Variants in ADCY8 observed in about 807,000 individuals in gnomAD.
ADCY8 encodes the protein adenylate cyclase type 8.
In ADCY8, 51 loss-of-function variants were observed where a neutral mutation model predicts 119.7. The observed-to-expected ratio is 0.43, with a 90% CI of 0.34 to 0.54. The LOEUF is 0.54. ADCY8 is among the 20% of genes least tolerant of loss of function. The probability of loss-of-function intolerance (pLI) is 0.03; values close to 1 mark genes in which losing one functional copy is unlikely to be tolerated. For synonymous variants in ADCY8, 665 were observed against 651.0 expected (o/e 1.02, Z -0.33); for missense variants, 1,383 against 1,598.8 (o/e 0.87, Z 2.30).
rs531283222 is a variant in ADCY8, at chr8:130,937,738, G to A, written c.1354-538C>T. Among the ~76,000 whole-genome samples, 256 of 152,142 alleles carry A rather than the reference G, an allele frequency of 1.7e-3. 1 individual carries two copies. The highest frequency in any genetic ancestry group is 3.4e-3 in the Middle Eastern group (1 of 294). ...AGTCTTCTTATATATCCTTTTATTC[G>A]TTTATTAATTTATATGTTTGTTCAT... On this transcript the variant is annotated intron_variant, in intron 4 of 17. Transcript: ENST00000286355.
chr8:131,030,630 C>T (rs752468719), intron 1 of ADCY8, among the ~76,000 whole-genome samples: 13 of 152,170 alleles, frequency 8.5e-5, no homozygotes, highest in Non-Finnish European at 1.8e-4. Flanking sequence ...TACCCAAATC[C>T]ATCCAAGCAT....
intron 1 of ADCY8, among the ~76,000 whole-genome samples, chr8:131,013,380 G>A (rs1368588333): frequency 1.3e-5 from 2 of 152,190 alleles, no homozygotes; most frequent in African/African-American, 4.8e-5. Flanking sequence ...AGGGAAGGAG[G>A]AAGGGAAGAG....
chr8:130,860,578 G>A (rs910324885), intron 9 of ADCY8, among the ~76,000 whole-genome samples: 2 of 152,090 alleles, frequency 1.3e-5, no homozygotes, highest in African/African-American at 4.8e-5. Flanking sequence ...AAGGTTTAAG[G>A]TCTGTGTATA....
intron 12 of ADCY8, among the ~76,000 whole-genome samples, chr8:130,834,016 AC>A (rs1193504602): frequency 1.3e-5 from 2 of 152,212 alleles, no homozygotes; most frequent in Non-Finnish European, 2.9e-5. Context: ...TGTATTGTAT[AC>A]TTGAAAATTG....
chr8:131,031,848 A>AT lies in ADCY8; in HGVS notation c.960+7525dup, dbSNP rs543381624. On this transcript the variant is annotated intron_variant, in intron 1 of 17. Coordinates refer to ENST00000286355, the MANE Select transcript of ADCY8 (RefSeq NM_001115.3). ...AGCAGCATAAGATGGGTTCTGTTAG[A>AT]TTTTTTTTTTGTGCTCTTATTTCTT... Among the ~76,000 whole-genome samples the AT allele has an allele frequency of 5.0e-4, 75 of 149,976 alleles. 1 individual carries two copies. Among genetic ancestry groups the AT allele is most frequent in the African/African-American group, 1.0e-3 (41 of 40,908 alleles).
intron 12 of ADCY8, among the ~76,000 whole-genome samples, chr8:130,834,868 A>G (rs774285948): frequency 2.6e-5 from 4 of 152,140 alleles, no homozygotes; most frequent in Middle Eastern, 3.2e-3. Flanking sequence ...TATATATATA[A>G]CATGGATGGG....
chr8:130,938,642 T>C (rs1045068099), intron 4 of ADCY8, among the ~76,000 whole-genome samples: 3 of 152,166 alleles, frequency 2.0e-5, no homozygotes, highest in African/African-American at 7.2e-5. Context: ...CACCAGGAGT[T>C]GGACATTATG....
chr8:131,036,545 AC>A (rs1406866509), intron 1 of ADCY8, among the ~76,000 whole-genome samples: 6 of 152,232 alleles, frequency 3.9e-5, no homozygotes, highest in African/African-American at 1.4e-4. Context: ...ATGATAGACA[AC>A]ATCCTTGCCC....
At chr8:130,808,924 G>C (rs1380573448) in intron 14 of ADCY8, among the ~76,000 whole-genome samples, 1 of 151,846 alleles carries the variant, frequency 6.6e-6, no homozygotes, top group Non-Finnish European at 1.5e-5. Flanking sequence ...ATGAGCCAGT[G>C]GGTTTCCCGG....
At chr8:130,836,855 T>C (rs1817005404) in intron 11 of ADCY8, among the ~76,000 whole-genome samples, 1 of 152,174 alleles carries the variant, frequency 6.6e-6, no homozygotes. Context: ...CACCTCAGCT[T>C]CCCCAATAGC....
chr8:130,840,629 G>T (rs1817110195), intron 11 of ADCY8, among the ~76,000 whole-genome samples: 1 of 152,044 alleles, frequency 6.6e-6, no homozygotes, highest in African/African-American at 2.4e-5. Flanking sequence ...ACATGACATG[G>T]CTTTTGAGTG....
chr8:130,937,839 C>T (rs537539353), intron 4 of ADCY8, among the ~76,000 whole-genome samples: 31 of 152,240 alleles, frequency 2.0e-4, no homozygotes, highest in Middle Eastern at 3.4e-3. Flanking sequence ...CTAATAATAG[C>T]TCCTATTATG....
At chr8:130,873,284 T>G (rs531391812) in intron 8 of ADCY8, among the ~76,000 whole-genome samples, 1 of 152,302 alleles carries the variant, frequency 6.6e-6, no homozygotes, top group African/African-American at 2.4e-5. Flanking sequence ...ACTAAAACAA[T>G]TATCTAGTTA....
At chr8:130,932,395 A>G (rs903158464) in intron 5 of ADCY8, among the ~76,000 whole-genome samples, 2 of 152,148 alleles carry the variant, frequency 1.3e-5, no homozygotes, top group Non-Finnish European at 2.9e-5. Flanking sequence ...CCAGCCTGGT[A>G]TATGGGATCA....
At chr8:130,917,510 G>A (rs1820164699) in intron 5 of ADCY8, among the ~76,000 whole-genome samples, 1 of 152,124 alleles carries the variant, frequency 6.6e-6, no homozygotes, top group Non-Finnish European at 1.5e-5. Flanking sequence ...TCAAAAGCAG[G>A]GTGGATCTAG....
chr8:131,018,633 T>C (rs1176502906), intron 1 of ADCY8, among the ~76,000 whole-genome samples: 9 of 152,180 alleles, frequency 5.9e-5, no homozygotes. Context: ...TTACCTGCAT[T>C]GTCTCTGTTT....
At chr8:131,021,535 C>A (rs1242279077) in intron 1 of ADCY8, among the ~76,000 whole-genome samples, 2 of 152,168 alleles carry the variant, frequency 1.3e-5, no homozygotes, top group African/African-American at 2.4e-5. Context: ...TGGCTGTGTA[C>A]CCACTCAAAT....
chr8:131,040,064 G>C lies in ADCY8; in HGVS notation c.270C>G (p.Pro90=). 6.5e-7 allele frequency: 1 copy of C among 1,542,020 alleles called. No homozygotes were observed. Among genetic ancestry groups the C allele is most frequent in the Non-Finnish European group, 8.7e-7 (1 of 1,149,184 alleles). ...APQLSGDSAL[P]LYSLGPGERA... ...GCTCTCCCGGGCCCAGCGAGTAGAG[G>C]GGCAGCGCCGAGTCGCCTGACAGCT... is the stretch of plus-strand genomic sequence containing the variant. The change falls in exon 1 of 18, where the codon CCC becomes CCG. Residue 90 remains proline, a synonymous_variant. Transcript: ENST00000286355.
rs144260112 is a variant in ADCY8, at chr8:130,965,330, C to T, written c.1111-13332G>A. Reference sequence around the variant, plus strand: ...TGGAAATAATAGACACTAGGGACTCCAAAAGGGAGGATGGAGGGGGAAACG... The same window carrying T: ...TGGAAATAATAGACACTAGGGACTCTAAAAGGGAGGATGGAGGGGGAAACG... On this transcript the variant is annotated intron_variant, in intron 2 of 17. Coordinates refer to ENST00000286355, the MANE Select transcript of ADCY8 (RefSeq NM_001115.3). 4.7e-3 allele frequency among the ~76,000 whole-genome samples: 715 copies of T among 152,104 alleles called. 8 individuals carry two copies. The highest frequency in any genetic ancestry group is 0.016 in the African/African-American group (663 of 41,480).
Sources: gnomAD v4.1 joint callset for allele counts (sites outside exome capture counted in the v4.1 genomes callset) on GRCh38, gnomAD v4.1.1 for gene constraint, MANE v1.5 for transcripts, NCBI Gene and HGNC (gene_info 2026-07-23, HGNC 2026-07-21) for gene names.